The following NF1 variants were observed in gnomAD, a reference collection of about 807,000 sequenced individuals.
The protein encoded by NF1 is neurofibromin.
Under a neutral mutation model 325.7 loss-of-function variants are expected in NF1, and 122 were observed. The ratio of observed to expected loss-of-function variants is 0.37; its 90% CI spans 0.32 to 0.44. NF1 has a LOEUF of 0.44. Ranked by LOEUF, NF1 falls within the 20% of genes least tolerant of loss-of-function variation. The pLI, the probability that NF1 is intolerant of heterozygous loss-of-function variation, is 1.00. For synonymous variants in NF1, 1,091 were observed against 1,186.0 expected, an observed-to-expected ratio of 0.92 and a Z score of 1.65; for missense variants, 2,140 against 3,415.4, an observed-to-expected ratio of 0.63 and a Z score of 9.31.
At chr17:31,173,271 G>T (rs376365455) in intron 5 of NF1, among the ~76,000 whole-genome samples, 1 of 152,116 alleles carries the variant, frequency 6.6e-6, no homozygotes, top group Non-Finnish European at 1.5e-5. Context: ...TTAGCCAGTC[G>T]TAGTGGTGGG....
intron 36 of NF1, among the ~76,000 whole-genome samples, chr17:31,323,290 G>A (rs111841173): frequency 0.019 from 2,883 of 152,050 alleles, 101 homozygotes; most frequent in African/African-American, 0.066. Flanking sequence ...GCGCTTATCT[G>A]TAGTCCCAGC....
intron 38 of NF1, 125 bp from the exon 39 acceptor site, chr17:31,330,171 A>G: frequency 4.9e-6 from 4 of 814,912 alleles, no homozygotes; most frequent in Non-Finnish European, 8.2e-6. Context: ...TTTCTAACTG[A>G]TCATAAAATT....
At chr17:31,319,755 GA>G (rs71142045) in intron 36 of NF1, among the ~76,000 whole-genome samples, 48,306 of 117,746 alleles carry the variant, frequency 0.41, 8,510 homozygotes, top group South Asian at 0.49. Context: ...AAAATCTGAA[GA>G]AAAAAAAAAA....
At position 31,296,494 on chromosome 17, in the gene NF1, T is replaced by C. The variant is rs2068468216; in HGVS notation, c.4836-29326T>C. 4 of 707,386 alleles carry C rather than the reference T, an allele frequency of 5.7e-6. No individual in the cohort carries two copies. The Admixed American group carries it at 8.1e-5, about 14-fold the overall frequency. The allele number at this position is 707,386 out of a possible 1,614,324, so 43.8% of individuals were successfully genotyped here. A position where few individuals can be genotyped will look rare whatever the true frequency, so the allele number is the denominator to read the frequency against. On this transcript the variant is annotated intron_variant, in intron 36 of 57. Coordinates refer to ENST00000358273, the MANE Select transcript of NF1 (RefSeq NM_001042492.3). ...ATTAAACTAACAAAGCTCCCCTTCA[T>C]TTATAGTCCAAATGCTTAATCCTTC...
chr17:31,145,793 T>C (rs1916547232), intron 1 of NF1, among the ~76,000 whole-genome samples: 1 of 152,154 alleles, frequency 6.6e-6, no homozygotes, highest in African/African-American at 2.4e-5. Flanking sequence ...ACAAAAGAAG[T>C]ATCATGAAGA....
At chr17:31,356,914 TGATTATCCA>T (rs1567626824) in intron 52 of NF1, 37 bp from the exon 53 acceptor site, 1 of 1,611,672 alleles carries the variant, frequency 6.2e-7, no homozygotes, top group East Asian at 2.2e-5. Context: ...TTAGGTGAAG[TGATTATCCA>T]GGTGTTTGAT....
At chr17:31,318,074 G>A in intron 36 of NF1, 1 of 477,788 alleles carries the variant, frequency 2.1e-6, no homozygotes, top group South Asian at 4.0e-5. Flanking sequence ...TTCCTCAAAT[G>A]CTTAGTTATT....
intron 12 of NF1, among the ~76,000 whole-genome samples, chr17:31,207,186 T>C (rs2066639602): frequency 6.6e-6 from 1 of 152,198 alleles, no homozygotes; most frequent in African/African-American, 2.4e-5. Context: ...GGCAGTGGGC[T>C]TCTGTGGCTG....
At chr17:31,311,879 G>C (rs2068885809) in intron 36 of NF1, among the ~76,000 whole-genome samples, 1 of 152,314 alleles carries the variant, frequency 6.6e-6, no homozygotes, top group South Asian at 2.1e-4. Flanking sequence ...GAAGGAAGGA[G>C]ATGTGAGTTG....
At chr17:31,115,798 C>T (rs765145657) in intron 1 of NF1, among the ~76,000 whole-genome samples, 3 of 152,122 alleles carry the variant, frequency 2.0e-5, no homozygotes, top group Non-Finnish European at 4.4e-5. Flanking sequence ...CTGGCAGAAG[C>T]ACTGTAGGCA....
chr17:31,351,696 G>A (rs1367955284), intron 50 of NF1, among the ~76,000 whole-genome samples: 1 of 152,360 alleles, frequency 6.6e-6, no homozygotes, highest in Middle Eastern at 3.4e-3. Flanking sequence ...GATTACAGGC[G>A]TGAGCCACAG....
At position 31,323,398 on chromosome 17, in the gene NF1, GA is replaced by G. The variant is rs747488970; in HGVS notation, c.4836-2410del. On this transcript the variant is annotated intron_variant, in intron 36 of 57. Transcript: ENST00000358273. Reference sequence around the variant, plus strand: ...CACTGCAGTCCAGCCTGAGTTAAGGGAAAAAAAAAAAAGATAAAAATTTCCA... The same window carrying G: ...CACTGCAGTCCAGCCTGAGTTAAGGGAAAAAAAAAAAGATAAAAATTTCCA... Among the ~76,000 whole-genome samples, 209 of 141,632 alleles carry G rather than the reference GA, an allele frequency of 1.5e-3. 1 individual carries two copies. The highest frequency in any genetic ancestry group is 3.5e-3 in the Middle Eastern group (1 of 282). The allele number at this position is 141,632 out of a possible 152,430, so 92.9% of individuals were successfully genotyped here. A position where few individuals can be genotyped will look rare whatever the true frequency, so the allele number is the denominator to read the frequency against.
intron 13 of NF1, 45 bp from the exon 14 acceptor site, chr17:31,218,960 G>T (rs562474689): frequency 1.1e-5 from 16 of 1,490,548 alleles, no homozygotes; most frequent in African/African-American, 2.9e-5. Flanking sequence ...AATCTCTCTC[G>T]ATTTATTTAT....
At chr17:31,271,192 T>C (rs1008916445) in intron 36 of NF1, among the ~76,000 whole-genome samples, 4 of 152,220 alleles carry the variant, frequency 2.6e-5, no homozygotes, top group Non-Finnish European at 5.9e-5. Flanking sequence ...GATATATTAC[T>C]CTGGGGAAAA....
intron 29 of NF1, among the ~76,000 whole-genome samples, chr17:31,236,656 G>A (rs556219273): frequency 7.2e-6 from 1 of 138,026 alleles, no homozygotes; most frequent in East Asian, 2.1e-4. Flanking sequence ...TCACCATCTT[G>A]GCCAGGCTGG....
chr17:31,355,208 A>C (rs558354873), intron 51 of NF1, among the ~76,000 whole-genome samples: 1 of 152,306 alleles, frequency 6.6e-6, no homozygotes, highest in South Asian at 2.1e-4. Context: ...TAAAAAGGAC[A>C]AGTGAGAAAG....
At chr17:31,360,101 A>G (rs1242825873) in intron 56 of NF1, 1 of 230,234 alleles carries the variant, frequency 4.3e-6, no homozygotes, top group Non-Finnish European at 8.7e-6. Context: ...TTGGATTGCC[A>G]GTAACCCTCT....
At position 31,201,446 on chromosome 17, in the gene NF1, C is replaced by T. The variant is rs1439320467; in HGVS notation, c.1221C>T (p.His407=). 3 of 1,612,412 alleles carry T rather than the reference C, an allele frequency of 1.9e-6. No individual in the cohort carries two copies. The highest frequency in any genetic ancestry group is 2.2e-5 in the South Asian group (2 of 90,902). ...CTCAGAATTCACCTTCTACATTTCA[C>T]TATGTGCTGGTAAATTCACTCCATC... ...CLAQNSPSTF[H]YVLVNSLHRI... The change falls in exon 11 of 58, where the codon CAC becomes CAT. Residue 407 remains histidine (H), a synonymous_variant. Coordinates refer to ENST00000358273, the MANE Select transcript of NF1 (RefSeq NM_001042492.3).
chr17:31,298,609 G>A (rs766233078), intron 36 of NF1, among the ~76,000 whole-genome samples: 4 of 151,970 alleles, frequency 2.6e-5, no homozygotes, highest in Middle Eastern at 3.2e-3. Flanking sequence ...TTAAGAGTCC[G>A]CAACATAGAA....
Sources: allele counts gnomAD v4.1 joint callset (sites outside exome capture counted in the v4.1 genomes callset), GRCh38; gene constraint gnomAD v4.1.1; transcripts MANE v1.5; gene names NCBI Gene and HGNC (gene_info 2026-07-23, HGNC 2026-07-21).